FGF13: variants seen among roughly 807,000 people sequenced by gnomAD.
FGF13 encodes the protein fibroblast growth factor homologous factor 2.
Under a neutral mutation model 19.5 loss-of-function variants are expected in FGF13, and 2 were observed. The ratio of observed to expected loss-of-function variants is 0.10; its 90% CI spans 0.04 to 0.32. The LOEUF is 0.32. Ranked by LOEUF, FGF13 falls within the 10% of genes least tolerant of loss-of-function variation. FGF13 has a pLI of 1.00. For missense variants in FGF13, 113 were observed against 192.7 expected (o/e 0.59, Z 2.45); for synonymous variants, 72 against 76.9 (o/e 0.94, Z 0.33).
At chrX:138,718,757 C>T (rs1178734032) in intron 1 of FGF13, among the ~76,000 whole-genome samples, 1 of 111,483 alleles carries the variant, frequency 9.0e-6, no homozygotes, top group Non-Finnish European at 1.9e-5. Flanking sequence ...AGATGAAAGA[C>T]AGGTTGATAA....
At chrX:138,810,763 C>A (rs2090915972) in intron 3 of FGF13, among the ~76,000 whole-genome samples, 1 of 111,882 alleles carries the variant, frequency 8.9e-6, no homozygotes, top group Non-Finnish European at 1.9e-5. Flanking sequence ...AATCAAACAA[C>A]CCCATCAACA....
At chrX:139,160,076 C>T (rs1340283343) in intron 1 of FGF13, among the ~76,000 whole-genome samples, 10 of 111,632 alleles carry the variant, frequency 9.0e-5, no homozygotes, top group Non-Finnish European at 3.8e-5. Context: ...CTAAAATCGA[C>T]CACATAATTG....
At chrX:138,972,153 G>A (rs2082306834) in intron 1 of FGF13, among the ~76,000 whole-genome samples, 1 of 107,969 alleles carries the variant, frequency 9.3e-6, no homozygotes. Flanking sequence ...TGTGAATAGT[G>A]CTGCAATGAA....
rs1491266738 is a variant in FGF13 at position 138,830,686 on chromosome X, T to TG, written c.217+26825_217+26826insC. On this transcript the variant is annotated intron_variant, in intron 3 of 6. Transcript: ENST00000436198. ...GCCATGTAAAGAGTGAAAAGGGGTGTTTGTGTGTGTGTGTGTGTGTGTGTG... is the reference window on the plus strand; with the variant it reads ...GCCATGTAAAGAGTGAAAAGGGGTGTGTTGTGTGTGTGTGTGTGTGTGTGTG... 1.1e-3 allele frequency among the ~76,000 whole-genome samples: 81 copies of TG among 74,693 alleles called. No individual in the cohort carries two copies. The South Asian group carries it at 0.017, about 15-fold the overall frequency. 64.9% of individuals were successfully genotyped at this position (74,693 alleles called of 115,157 possible).
chrX:138,750,155 G>T (rs2090387361), intron 3 of FGF13, among the ~76,000 whole-genome samples: 1 of 111,505 alleles, frequency 9.0e-6, no homozygotes, highest in South Asian at 3.8e-4. Context: ...AGGTTCCAAA[G>T]AGTATTCTAG....
At position 138,618,806 on chromosome X, in the gene FGF13, G is replaced by A. The variant is rs1486574873; in HGVS notation, c.*14044C>T. On this transcript the variant is annotated 3_prime_UTR_variant, in exon 5 of 5. Transcript: ENST00000315930. ...ACAAATGGGAAACTCTCAGAATTTGGTTTGGTTTTATGAAATTAAGAAAAT... is the reference window on the plus strand; with the variant it reads ...ACAAATGGGAAACTCTCAGAATTTGATTTGGTTTTATGAAATTAAGAAAAT... 1 of 111,609 alleles carries A rather than the reference G, an allele frequency of 9.0e-6. No homozygotes were observed. Among genetic ancestry groups the A allele is most frequent in the African/African-American group, 3.3e-5 (1 of 30,714 alleles). The allele number at this position is 111,609 out of a possible 1,213,427, so 9.2% of individuals were successfully genotyped here.
chrX:138,818,357 T>C (rs186411565), intron 3 of FGF13, among the ~76,000 whole-genome samples: 175 of 110,390 alleles, frequency 1.6e-3, no homozygotes, highest in African/African-American at 5.6e-3. Flanking sequence ...TCAGTCTACT[T>C]AAGGAAGGCT....
In FGF13 at chrX:138,799,465, G is replaced by A. The variant is rs148135595; in HGVS notation, c.217+58047C>T. Reference sequence around the variant, plus strand: ...TCCATTCTTTTGCATTTGCTGAACCGTGTTTTATTTCCAATTATGTGGTCA... The same window carrying A: ...TCCATTCTTTTGCATTTGCTGAACCATGTTTTATTTCCAATTATGTGGTCA... On this transcript the variant is annotated intron_variant, in intron 3 of 6. Coordinates refer to the FGF13 transcript ENST00000436198. Among the ~76,000 whole-genome samples the A allele has an allele frequency of 4.9e-3, 547 of 111,645 alleles. 3 individuals carry two copies. The highest frequency in any genetic ancestry group is 0.016 in the African/African-American group (493 of 30,736).
intron 1 of FGF13, among the ~76,000 whole-genome samples, chrX:138,871,614 A>G (rs1407682419): frequency 8.9e-6 from 1 of 112,468 alleles, no homozygotes; most frequent in African/African-American, 3.2e-5. Context: ...CCTAATCTAC[A>G]TAATATAGAA....
intron 3 of FGF13, among the ~76,000 whole-genome samples, chrX:138,644,570 G>A (rs1025155741): frequency 7.2e-5 from 8 of 111,372 alleles, no homozygotes; most frequent in Non-Finnish European, 1.1e-4. Flanking sequence ...GTGAGCCACC[G>A]CACCTGGCCA....
intron 3 of FGF13, among the ~76,000 whole-genome samples, chrX:138,797,371 T>C (rs1402117313): frequency 9.0e-6 from 1 of 111,048 alleles, no homozygotes; most frequent in Non-Finnish European, 1.9e-5. Flanking sequence ...TGATTGTAGA[T>C]GTGTGCTGTT....
intron 1 of FGF13, among the ~76,000 whole-genome samples, chrX:139,086,891 C>A (rs2083407364): frequency 8.9e-6 from 1 of 112,796 alleles, no homozygotes; most frequent in African/African-American, 3.2e-5. Context: ...GAAGCCTTTT[C>A]ACTTTGCTGG....
chrX:138,760,125 A>G (rs1240904387), intron 3 of FGF13, among the ~76,000 whole-genome samples: 1 of 111,049 alleles, frequency 9.0e-6, no homozygotes, highest in Non-Finnish European at 1.9e-5. Flanking sequence ...ATTAAGCTCA[A>G]AGATGTTTGT....
chrX:138,897,659 G>A (rs958214171), intron 1 of FGF13, among the ~76,000 whole-genome samples: 9 of 111,380 alleles, frequency 8.1e-5, no homozygotes, highest in Admixed American at 2.9e-4. Context: ...TTAAGGGTCC[G>A]TCTGAGGCTG....
intron 1 of FGF13, among the ~76,000 whole-genome samples, chrX:139,197,341 T>C (rs1295894388): frequency 8.9e-6 from 1 of 112,741 alleles, no homozygotes; most frequent in Non-Finnish European, 1.9e-5. Context: ...ATTAGATATA[T>C]GTAAAAATAA....
chrX:138,987,559 A>C (rs2091999143), intron 1 of FGF13, among the ~76,000 whole-genome samples: 1 of 112,401 alleles, frequency 8.9e-6, no homozygotes, highest in Non-Finnish European at 1.9e-5. Context: ...TTTGTTGAAT[A>C]ATCTTAATAC....
chrX:139,177,238 C>CTTTTTTTTTTTTT (rs35867493), intron 1 of FGF13, among the ~76,000 whole-genome samples: 7 of 49,941 alleles, frequency 1.4e-4, no homozygotes, highest in Non-Finnish European at 1.3e-4. Flanking sequence ...GCAACCCCTG[C>CTTTTTTTTTTTTT]TTTTTTTTTT....
At chrX:138,733,226 T>A (rs1292927919) in intron 1 of FGF13, among the ~76,000 whole-genome samples, 2 of 111,846 alleles carry the variant, frequency 1.8e-5, no homozygotes, top group Non-Finnish European at 3.8e-5. Context: ...ACTGGGCATC[T>A]TACAGAAACT....
chrX:138,680,826 C>T (rs984748694), intron 3 of FGF13, among the ~76,000 whole-genome samples: 42 of 110,902 alleles, frequency 3.8e-4, no homozygotes, highest in African/African-American at 1.3e-3. Flanking sequence ...TCTCTAGCCA[C>T]GAAACCCCTG....
Sources: gnomAD v4.1 joint callset for allele counts (sites outside exome capture counted in the v4.1 genomes callset) on GRCh38, gnomAD v4.1.1 for gene constraint, MANE v1.5 for transcripts, NCBI Gene and HGNC (gene_info 2026-07-23, HGNC 2026-07-21) for gene names.